Variants in TCAIM observed in about 807,000 individuals in gnomAD.
TCAIM encodes the protein T-cell activation inhibitor, mitochondrial.
In TCAIM, 36 loss-of-function variants were observed where a neutral mutation model predicts 58.6. The observed-to-expected ratio is 0.61, with a 90% CI of 0.47 to 0.81. TCAIM has a LOEUF of 0.81. Ranked by LOEUF, TCAIM falls within the 30% of genes least tolerant of loss-of-function variation. The pLI is 0.00. For missense variants in TCAIM, 466 were observed against 579.6 expected (o/e 0.80, Z 2.01); for synonymous variants, 172 against 193.6 (o/e 0.89, Z 0.93).
chr3:44,349,737 C>A (rs530087519), intron 1 of TCAIM, among the ~76,000 whole-genome samples: 1 of 152,042 alleles, frequency 6.6e-6, no homozygotes, highest in Admixed American at 6.6e-5. Flanking sequence ...GGATAAAACA[C>A]GTCTCCTCTG....
intron 5 of TCAIM, among the ~76,000 whole-genome samples, chr3:44,379,851 A>G (rs1459700158): frequency 6.6e-6 from 1 of 152,128 alleles, no homozygotes; most frequent in African/African-American, 2.4e-5. Flanking sequence ...AAACCTGCAC[A>G]TGTACTCCCA....
intron 8 of TCAIM, among the ~76,000 whole-genome samples, chr3:44,398,421 C>G (rs1295389689): frequency 9.1e-6 from 1 of 110,056 alleles, no homozygotes; most frequent in Non-Finnish European, 2.0e-5. Context: ...CACAGCGAGA[C>G]TGTGTCTCAA....
At chr3:44,392,082 A>G (rs544754520) in intron 5 of TCAIM, among the ~76,000 whole-genome samples, 2 of 152,332 alleles carry the variant, frequency 1.3e-5, no homozygotes, top group Admixed American at 1.3e-4. Context: ...TTTTAATTTA[A>G]AAAAATATTC....
intron 4 of TCAIM, among the ~76,000 whole-genome samples, chr3:44,364,726 A>G (rs1417815023): frequency 1.3e-5 from 2 of 151,682 alleles, no homozygotes; most frequent in African/African-American, 4.9e-5. Flanking sequence ...AGCATGGGTG[A>G]CAGAGTGAGA....
intron 5 of TCAIM, among the ~76,000 whole-genome samples, chr3:44,378,561 T>C (rs1389978574): frequency 2.0e-5 from 3 of 151,928 alleles, no homozygotes; most frequent in Non-Finnish European, 4.4e-5. Context: ...CTCACGCCTG[T>C]AATCCCAGTG....
intron 4 of TCAIM, among the ~76,000 whole-genome samples, chr3:44,366,411 CCG>C (rs1701375045): frequency 6.6e-6 from 1 of 151,636 alleles, no homozygotes; most frequent in Non-Finnish European, 1.5e-5. Context: ...CCTCAGCCTC[CCG>C]AGTACTTGGG....
At chr3:44,384,115 T>C (rs1436728125) in intron 5 of TCAIM, among the ~76,000 whole-genome samples, 3 of 152,218 alleles carry the variant, frequency 2.0e-5, no homozygotes, top group Non-Finnish European at 4.4e-5. Context: ...ATCTCAATAG[T>C]AATTAATTGG....
intron 5 of TCAIM, among the ~76,000 whole-genome samples, chr3:44,386,369 G>A (rs1477255624): frequency 6.6e-6 from 1 of 152,212 alleles, no homozygotes; most frequent in Non-Finnish European, 1.5e-5. Flanking sequence ...CCACTGCTAA[G>A]ACACCAGCTG....
At chr3:44,354,040 T>G (rs1170375543) in intron 1 of TCAIM, among the ~76,000 whole-genome samples, 3 of 152,092 alleles carry the variant, frequency 2.0e-5, no homozygotes, top group Non-Finnish European at 4.4e-5. Context: ...CTTCTAGGAG[T>G]TTTATAGCAT....
intron 5 of TCAIM, among the ~76,000 whole-genome samples, chr3:44,369,760 T>C (rs530317787): frequency 6.6e-6 from 1 of 152,382 alleles, no homozygotes; most frequent in African/African-American, 2.4e-5. Flanking sequence ...TATGTTTTGA[T>C]AATCTCTGTG....
intron 5 of TCAIM, among the ~76,000 whole-genome samples, chr3:44,378,489 C>A (rs1193948019): frequency 6.6e-6 from 1 of 151,720 alleles, no homozygotes; most frequent in East Asian, 1.9e-4. Context: ...ATGCAGCCAA[C>A]AGGCGTATGA....
intron 1 of TCAIM, chr3:44,341,268 T>G (rs1423527111): frequency 6.6e-6 from 1 of 152,182 alleles, no homozygotes; most frequent in Non-Finnish European, 1.5e-5. Context: ...AAAGTCAGTA[T>G]TAATTCATAA....
intron 5 of TCAIM, among the ~76,000 whole-genome samples, chr3:44,378,871 A>T (rs1449818131): frequency 1.3e-5 from 2 of 151,702 alleles, no homozygotes; most frequent in African/African-American, 4.8e-5. Flanking sequence ...TAGCATTAAA[A>T]AGCCAGGCCA....
intron 5 of TCAIM, among the ~76,000 whole-genome samples, chr3:44,381,665 A>T (rs926544127): frequency 6.6e-6 from 1 of 152,152 alleles, no homozygotes; most frequent in Non-Finnish European, 1.5e-5. Context: ...AATTAAAGTC[A>T]TCTACTTGGA....
intron 5 of TCAIM, among the ~76,000 whole-genome samples, chr3:44,368,054 T>C (rs915917758): frequency 1.3e-5 from 2 of 152,140 alleles, no homozygotes; most frequent in African/African-American, 4.8e-5. Context: ...CCTAAGACTA[T>C]ACAAATATTT....
intron 9 of TCAIM, chr3:44,400,901 T>G: frequency 2.1e-6 from 1 of 480,408 alleles, no homozygotes; most frequent in South Asian, 2.3e-5. Flanking sequence ...ATACACTGTT[T>G]GCCGAGCACT....
chr3:44,394,612 C>G (rs967884170), intron 6 of TCAIM, among the ~76,000 whole-genome samples: 1 of 151,386 alleles, frequency 6.6e-6, no homozygotes, highest in Non-Finnish European at 1.5e-5. Context: ...TAGATATAAC[C>G]CGGCCGGGTA....
At chr3:44,403,228 C>T (rs949213092) in intron 10 of TCAIM, among the ~76,000 whole-genome samples, 28 of 152,148 alleles carry the variant, frequency 1.8e-4, no homozygotes, top group African/African-American at 6.5e-4. Context: ...GAGATCATGC[C>T]ATTGCACTCC....
chr3:44,385,598 C>T (rs1023050422), intron 5 of TCAIM, among the ~76,000 whole-genome samples: 4 of 152,236 alleles, frequency 2.6e-5, no homozygotes, highest in Admixed American at 6.5e-5. Context: ...AAAAAATTAG[C>T]CGGGAGTGGT....
Sources: gnomAD v4.1 joint callset for allele counts (sites outside exome capture counted in the v4.1 genomes callset) on GRCh38, gnomAD v4.1.1 for gene constraint, MANE v1.5 for transcripts, NCBI Gene and HGNC (gene_info 2026-07-23, HGNC 2026-07-21) for gene names.